GPC5: variants seen among roughly 807,000 people sequenced by gnomAD.
The protein encoded by GPC5 is glypican-5.
GPC5 carries 47 observed loss-of-function variants against 53.9 expected under a neutral mutation model. That is an observed-to-expected ratio of 0.87 (90% CI 0.69 to 1.11). The LOEUF is 1.11. Among genes scored for constraint, GPC5 ranks in the 50% most tolerant of loss-of-function variants. GPC5 has a pLI of 0.00. For synonymous variants in GPC5, 286 were observed against 263.3 expected (o/e 1.09, Z -0.84); for missense variants, 748 against 713.1 (o/e 1.05, Z -0.56).
At chr13:92,572,292 G>T (rs1335355203) in intron 7 of GPC5, among the ~76,000 whole-genome samples, 1 of 152,108 alleles carries the variant, frequency 6.6e-6, no homozygotes, top group Admixed American at 6.5e-5. Context: ...ATGCTAAAAA[G>T]AGACAATTTT....
At position 91,941,125 on chromosome 13, in the gene GPC5, T is replaced by A. The variant is rs2039922820; in HGVS notation, c.1401+33068T>A. On this transcript the variant is annotated intron_variant, in intron 6 of 7. Transcript: ENST00000377067. The stretch of plus-strand genomic sequence containing the variant: ...TTTCTTTTATGATTTTTATGGCTTG[T>A]TTTTGTCAGTGTTATCAAAGATCAG... Among the ~76,000 whole-genome samples the A allele has an allele frequency of 3.9e-5, 6 of 152,006 alleles. No individual in the cohort carries two copies. The South Asian group carries it at 1.2e-3, about 32-fold the overall frequency.
intron 4 of GPC5, among the ~76,000 whole-genome samples, chr13:91,729,285 C>T (rs1409365726): frequency 6.6e-6 from 1 of 152,022 alleles, no homozygotes; most frequent in Non-Finnish European, 1.5e-5. Context: ...AAATTCAGGC[C>T]TCATTTTGTG....
chr13:91,803,872 C>A (rs2038177037), intron 5 of GPC5, among the ~76,000 whole-genome samples: 1 of 149,930 alleles, frequency 6.7e-6, no homozygotes, highest in Admixed American at 6.7e-5. Flanking sequence ...TAGAGAGATG[C>A]ATAAAGAAAT....
chr13:92,313,035 G>A (rs924027103), intron 7 of GPC5, among the ~76,000 whole-genome samples: 1 of 152,098 alleles, frequency 6.6e-6, no homozygotes. Flanking sequence ...TAATGATGGG[G>A]ATCACCTACT....
intron 7 of GPC5, among the ~76,000 whole-genome samples, chr13:92,190,231 A>G (rs527915458): frequency 2.4e-4 from 36 of 152,304 alleles, no homozygotes; most frequent in African/African-American, 3.1e-4. Context: ...TCTCTACTCT[A>G]TGAAATAATC....
At chr13:92,673,965 ATAAAC>A (rs1566357102) in intron 7 of GPC5, among the ~76,000 whole-genome samples, 2 of 152,220 alleles carry the variant, frequency 1.3e-5, no homozygotes, top group Non-Finnish European at 2.9e-5. Flanking sequence ...ATAGAGTAAA[ATAAAC>A]ATTAATTTAA....
chr13:92,120,429 T>C (rs1464582174), intron 6 of GPC5, among the ~76,000 whole-genome samples: 1 of 152,156 alleles, frequency 6.6e-6, no homozygotes, highest in Non-Finnish European at 1.5e-5. Context: ...GGCTATTTTT[T>C]AAAATTTTTT....
At chr13:92,784,580 A>G (rs1030415555) in intron 7 of GPC5, among the ~76,000 whole-genome samples, 1 of 152,182 alleles carries the variant, frequency 6.6e-6, no homozygotes, top group African/African-American at 2.4e-5. Context: ...TCAATATTAA[A>G]GATGAAAATA....
chr13:91,569,503 G>C (rs977544872), intron 2 of GPC5, among the ~76,000 whole-genome samples: 1 of 151,914 alleles, frequency 6.6e-6, no homozygotes, highest in Non-Finnish European at 1.5e-5. Flanking sequence ...TAACATTTTT[G>C]TTCTCCCTAG....
intron 7 of GPC5, among the ~76,000 whole-genome samples, chr13:92,182,712 A>G (rs2042155665): frequency 8.0e-6 from 1 of 124,328 alleles, no homozygotes; most frequent in Non-Finnish European, 1.5e-5. Flanking sequence ...TACAAATACA[A>G]AAAAAAATTA....
intron 7 of GPC5, among the ~76,000 whole-genome samples, chr13:92,593,856 G>A (rs1883788277): frequency 1.3e-5 from 2 of 152,142 alleles, no homozygotes; most frequent in South Asian, 4.1e-4. Flanking sequence ...TTGTAGGGAT[G>A]AAAGTCTGAT....
At chr13:92,486,745 A>G (rs181711594) in intron 7 of GPC5, among the ~76,000 whole-genome samples, 1 of 152,346 alleles carries the variant, frequency 6.6e-6, no homozygotes, top group East Asian at 1.9e-4. Flanking sequence ...TTTTAGATTT[A>G]AAGTTAATTA....
intron 2 of GPC5, among the ~76,000 whole-genome samples, chr13:91,491,228 T>C (rs998474151): frequency 2.0e-5 from 3 of 152,172 alleles, no homozygotes; most frequent in Non-Finnish European, 2.9e-5. Context: ...AGTCACCAGA[T>C]TTTTTTAAAA....
chr13:92,280,339 T>G (rs2139167441), intron 7 of GPC5, among the ~76,000 whole-genome samples: 1 of 152,308 alleles, frequency 6.6e-6, no homozygotes, highest in East Asian at 1.9e-4. Flanking sequence ...ATTTTTCTAC[T>G]TTATCTTTGA....
chr13:92,198,056 C>T (rs960176714), intron 7 of GPC5, among the ~76,000 whole-genome samples: 2 of 152,290 alleles, frequency 1.3e-5, no homozygotes, highest in Middle Eastern at 3.4e-3. Flanking sequence ...GGCTTCTTAT[C>T]TTCTCAGTCT....
At chr13:92,468,615 C>A (rs951578830) in intron 7 of GPC5, among the ~76,000 whole-genome samples, 18 of 152,030 alleles carry the variant, frequency 1.2e-4, no homozygotes, top group Admixed American at 2.0e-4. Flanking sequence ...CATACTTTTA[C>A]GAGAAGAATA....
chr13:91,514,010 T>C (rs1180614453), intron 2 of GPC5, among the ~76,000 whole-genome samples: 12 of 152,244 alleles, frequency 7.9e-5, no homozygotes, highest in Admixed American at 7.2e-4. Context: ...AGCATTATAT[T>C]GCATAGATAC....
chr13:91,694,058 GA>G (rs1385225986), intron 3 of GPC5, among the ~76,000 whole-genome samples, 177 bp downstream of exon 3: 2 of 152,058 alleles, frequency 1.3e-5, no homozygotes, highest in Non-Finnish European at 2.9e-5. Context: ...CTCCTAAGTA[GA>G]AGTCTGCTGA....
At chr13:92,399,692 G>C (rs1417237254) in intron 7 of GPC5, among the ~76,000 whole-genome samples, 1 of 152,180 alleles carries the variant, frequency 6.6e-6, no homozygotes, top group African/African-American at 2.4e-5. Flanking sequence ...CGAGAAGCAA[G>C]TTATTACCCA....
Sources: allele counts gnomAD v4.1 joint callset (sites outside exome capture counted in the v4.1 genomes callset), GRCh38; gene constraint gnomAD v4.1.1; transcripts MANE v1.5; gene names NCBI Gene and HGNC (gene_info 2026-07-23, HGNC 2026-07-21).